Variants in CNTNAP3 observed in about 807,000 individuals in gnomAD.
CNTNAP3 encodes the protein contactin-associated protein-like 3.
In CNTNAP3, 36 loss-of-function variants were observed where a neutral mutation model predicts 92.1. That is an observed-to-expected ratio of 0.39 (90% CI 0.30 to 0.52). The LOEUF (loss-of-function observed/expected upper bound fraction) is 0.52, where lower values mean the gene tolerates loss of function less well. Ranked by LOEUF, CNTNAP3 falls within the 20% of genes least tolerant of loss-of-function variation. CNTNAP3 has a pLI of 0.76. For synonymous variants in CNTNAP3, 232 were observed against 422.3 expected (o/e 0.55, Z 5.53); for missense variants, 534 against 1,069.6 (o/e 0.50, Z 6.98).
At chr9:39,135,062 G>A (rs931280467) in intron 12 of CNTNAP3, among the ~76,000 whole-genome samples, 14 of 152,234 alleles carry the variant, frequency 9.2e-5, no homozygotes, top group African/African-American at 3.4e-4. Flanking sequence ...CTGAAGAGTA[G>A]AATAGTAACC....
chr9:39,078,490 G>C, intron 22 of CNTNAP3, 34 bp from the exon 23 acceptor site: 3 of 1,612,088 alleles, frequency 1.9e-6, no homozygotes, highest in Non-Finnish European at 2.5e-6. Flanking sequence ...ATGTTTATTA[G>C]CTTGATTTAA....
chr9:39,142,906 G>A (rs1490578642), intron 11 of CNTNAP3, among the ~76,000 whole-genome samples: 1 of 151,876 alleles, frequency 6.6e-6, no homozygotes, highest in Non-Finnish European at 1.5e-5. Flanking sequence ...AAAATCAAAT[G>A]TCTCACGGAA....
chr9:39,136,348 A>C (rs1821436226), intron 12 of CNTNAP3, among the ~76,000 whole-genome samples: 1 of 152,030 alleles, frequency 6.6e-6, no homozygotes, highest in African/African-American at 2.4e-5. Flanking sequence ...GAAGAAAGAA[A>C]ATAAGATCCA....
chr9:39,083,385 G>T (rs1434305190), intron 21 of CNTNAP3, among the ~76,000 whole-genome samples: 4 of 152,092 alleles, frequency 2.6e-5, no homozygotes, highest in African/African-American at 9.7e-5. Flanking sequence ...AAGGGGCCAG[G>T]TGTGGTGGCT....
In CNTNAP3 at chr9:39,077,493, C is replaced by A. The variant is rs368689309; in HGVS notation, c.3745+892G>T. ...AATGGCGTGAACCCGGGAGGCGGAG[C>A]TTGCAGTAAGTCGAGATTGCTTCAC... is the stretch of plus-strand genomic sequence containing the variant. On this transcript the variant is annotated intron_variant, in intron 23 of 23. Transcript: ENST00000297668. Among the ~76,000 whole-genome samples the A allele has an allele frequency of 7.7e-3, 1,167 of 152,098 alleles. 6 individuals carry two copies. The South Asian group carries it at 0.081, about 11-fold the overall frequency.
intron 4 of CNTNAP3, among the ~76,000 whole-genome samples, chr9:39,179,315 A>ACACAGG (rs1367818226): frequency 1.5e-5 from 2 of 132,034 alleles, no homozygotes; most frequent in Non-Finnish European, 3.2e-5. Context: ...ACACACACAC[A>ACACAGG]CACACACACA....
intron 21 of CNTNAP3, among the ~76,000 whole-genome samples, chr9:39,081,799 CCAGGCA>C (rs1825943589): frequency 2.0e-5 from 3 of 151,566 alleles, no homozygotes; most frequent in South Asian, 4.2e-4. Flanking sequence ...TCAAATCAGG[CCAGGCA>C]CGGTGGCTCA....
chr9:39,105,750 G>C (rs529239857), intron 15 of CNTNAP3, among the ~76,000 whole-genome samples: 12 of 152,044 alleles, frequency 7.9e-5, no homozygotes, highest in African/African-American at 2.9e-4. Context: ...AGCAGAGAAT[G>C]ATAGAAAATG....
At chr9:39,143,665 T>A (rs541919214) in intron 11 of CNTNAP3, among the ~76,000 whole-genome samples, 6 of 152,254 alleles carry the variant, frequency 3.9e-5, no homozygotes, top group Admixed American at 2.0e-4. Flanking sequence ...TTATTCACTT[T>A]ACAATCATCA....
intron 18 of CNTNAP3, among the ~76,000 whole-genome samples, chr9:39,094,035 TTTTATTTA>T (rs4062934): frequency 6.6e-6 from 1 of 150,628 alleles, no homozygotes. Flanking sequence ...TATTTTCTGT[TTTTATTTA>T]TTTATTTATT....
chr9:39,100,939 C>CCTAA (rs1826442665), intron 17 of CNTNAP3, among the ~76,000 whole-genome samples: 1 of 150,448 alleles, frequency 6.6e-6, no homozygotes, highest in East Asian at 2.0e-4. Flanking sequence ...ATTCGGTGGG[C>CCTAA]CTAAGGTGGG....
chr9:39,136,643 G>GT (rs1420986901), intron 12 of CNTNAP3, among the ~76,000 whole-genome samples: 6 of 152,288 alleles, frequency 3.9e-5, no homozygotes, highest in African/African-American at 1.4e-4. Flanking sequence ...GCTCATGCCT[G>GT]TAATCCCAGC....
chr9:39,076,770 C>T (rs1263989554), intron 23 of CNTNAP3, among the ~76,000 whole-genome samples: 4 of 152,300 alleles, frequency 2.6e-5, no homozygotes, highest in Non-Finnish European at 5.9e-5. Context: ...AGATCGAGAC[C>T]ATTCTGGCTA....
At chr9:39,149,006 T>G (rs1821774498) in intron 10 of CNTNAP3, among the ~76,000 whole-genome samples, 1 of 152,202 alleles carries the variant, frequency 6.6e-6, no homozygotes, top group South Asian at 2.1e-4. Flanking sequence ...GTTGTAATAC[T>G]TATTTGAATT....
At chr9:39,083,093 C>T (rs1394578282) in intron 21 of CNTNAP3, among the ~76,000 whole-genome samples, 2 of 151,874 alleles carry the variant, frequency 1.3e-5, no homozygotes, top group African/African-American at 4.8e-5. Flanking sequence ...TATGTGACAT[C>T]TCCTTACAAA....
chr9:39,078,522 G>C (rs1423725945), intron 22 of CNTNAP3, 66 bp from the exon 23 acceptor site: 2 of 1,607,374 alleles, frequency 1.2e-6, no homozygotes, highest in Non-Finnish European at 1.7e-6. Context: ...TTTACACATA[G>C]CAAACTTGTC....
intron 8 of CNTNAP3, among the ~76,000 whole-genome samples, chr9:39,170,378 G>A (rs927785585): frequency 9.4e-6 from 1 of 105,840 alleles, no homozygotes; most frequent in East Asian, 2.5e-4. Context: ...TCAAGCAGAA[G>A]TCAGCCTCTT....
intron 10 of CNTNAP3, among the ~76,000 whole-genome samples, chr9:39,148,108 CT>C (rs1433588163): frequency 6.6e-6 from 1 of 151,914 alleles, no homozygotes; most frequent in African/African-American, 2.4e-5. Flanking sequence ...GGCCAGAAAC[CT>C]TCCCAACTAC....
chr9:39,150,273 C>T (rs1821812872), intron 9 of CNTNAP3, among the ~76,000 whole-genome samples: 1 of 146,504 alleles, frequency 6.8e-6, no homozygotes, highest in Non-Finnish European at 1.5e-5. Context: ...GAAATCTCAT[C>T]TAAGAAATAA....
Sources: gnomAD v4.1 joint callset for allele counts (sites outside exome capture counted in the v4.1 genomes callset) on GRCh38, gnomAD v4.1.1 for gene constraint, MANE v1.5 for transcripts, NCBI Gene and HGNC (gene_info 2026-07-23, HGNC 2026-07-21) for gene names.